The following ROBO2 variants were observed in gnomAD, a reference collection of about 807,000 sequenced individuals.
The protein encoded by ROBO2 is roundabout homolog 2.
Under a neutral mutation model 160.8 loss-of-function variants are expected in ROBO2, and 53 were observed. The observed-to-expected ratio is 0.33, with a 90% CI of 0.26 to 0.41. The LOEUF (loss-of-function observed/expected upper bound fraction) is 0.41, where lower values mean the gene tolerates loss of function less well. Ranked by LOEUF, ROBO2 falls within the 10% of genes least tolerant of loss-of-function variation. The pLI, the probability that ROBO2 is intolerant of heterozygous loss-of-function variation, is 1.00. For synonymous variants in ROBO2, 664 were observed against 611.7 expected (o/e 1.09, Z -1.26); for missense variants, 1,577 against 1,722.4 (o/e 0.92, Z 1.49).
intron 2 of ROBO2, among the ~76,000 whole-genome samples, chr3:76,036,166 T>C (rs1384279059): frequency 6.6e-6 from 1 of 152,032 alleles, no homozygotes; most frequent in Non-Finnish European, 1.5e-5. Context: ...CACTTTTTTT[T>C]TGAGACCTGG....
At chr3:77,037,562 G>T (rs1004724790), upstream of ROBO2, among the ~76,000 whole-genome samples, 1 of 152,110 alleles carries the variant, frequency 6.6e-6, no homozygotes, top group African/African-American at 2.4e-5. Flanking sequence ...CCTACACAAG[G>T]ATAACTTTCT....
chr3:76,610,698 G>A (rs1314030583), intron 2 of ROBO2, among the ~76,000 whole-genome samples: 1 of 148,992 alleles, frequency 6.7e-6, no homozygotes. Context: ...CCAGTGAGCA[G>A]GAGCATGTCA....
intron 2 of ROBO2, among the ~76,000 whole-genome samples, chr3:76,327,520 C>A (rs1008049691): frequency 1.1e-4 from 17 of 152,044 alleles, no homozygotes; most frequent in African/African-American, 3.9e-4. Flanking sequence ...AGTAAAAATT[C>A]ATTAAACAAT....
intron 2 of ROBO2, among the ~76,000 whole-genome samples, chr3:77,193,199 C>A (rs994021967): frequency 9.2e-5 from 14 of 151,810 alleles, no homozygotes; most frequent in African/African-American, 2.7e-4. Context: ...CGAAGTCCTA[C>A]CTAATTTGAT....
At chr3:76,317,051 A>G (rs1156454049) in intron 2 of ROBO2, among the ~76,000 whole-genome samples, 1 of 152,254 alleles carries the variant, frequency 6.6e-6, no homozygotes, top group African/African-American at 2.4e-5. Context: ...CTTTACATAG[A>G]TAAGAAGACA....
chr3:76,308,806 T>A lies in ROBO2; in HGVS notation c.109+371204T>A, dbSNP rs2037191. On this transcript the variant is annotated intron_variant, in intron 2 of 26. Transcript: ENST00000487694. The stretch of plus-strand genomic sequence containing the variant: ...TTCCAATTCCATTTCAATTTCCCCA[T>A]CAGAGAGAGCTGTGACCTGGTGTCT... Among the ~76,000 whole-genome samples the A allele has an allele frequency of 5.8e-3, 886 of 152,250 alleles. 7 individuals are homozygous for A. Among genetic ancestry groups the A allele is most frequent in the African/African-American group, 0.02 (840 of 41,534 alleles).
chr3:76,913,940 T>C (rs934606361), intron 2 of ROBO2, among the ~76,000 whole-genome samples: 2 of 137,586 alleles, frequency 1.5e-5, no homozygotes, highest in African/African-American at 5.8e-5. Flanking sequence ...CTGTGAATAA[T>C]ACTCCATTAC....
chr3:76,399,172 A>T (rs1381758842), intron 2 of ROBO2, among the ~76,000 whole-genome samples: 1 of 151,760 alleles, frequency 6.6e-6, no homozygotes, highest in Non-Finnish European at 1.5e-5. Context: ...AAAATTTTTT[A>T]TATTGTTGAA....
At chr3:76,079,394 A>G (rs2068743476) in intron 2 of ROBO2, among the ~76,000 whole-genome samples, 1 of 152,122 alleles carries the variant, frequency 6.6e-6, no homozygotes, top group Admixed American at 6.5e-5. Flanking sequence ...GTGTGTATCA[A>G]AATATCACAT....
At chr3:77,384,049 A>G (rs959271331) in intron 2 of ROBO2, among the ~76,000 whole-genome samples, 5 of 152,178 alleles carry the variant, frequency 3.3e-5, no homozygotes, top group African/African-American at 1.2e-4. Flanking sequence ...GAAAATTTTC[A>G]GATGTAGTAT....
intron 2 of ROBO2, among the ~76,000 whole-genome samples, chr3:76,058,843 C>T (rs2067958904): frequency 8.0e-6 from 1 of 125,128 alleles, no homozygotes. Flanking sequence ...TGTTCCCCTT[C>T]CTGTGTCCAT....
chr3:76,119,920 T>TTCCTCCCTCCCTC (rs1559566729), intron 2 of ROBO2, among the ~76,000 whole-genome samples: 1 of 28,492 alleles, frequency 3.5e-5, no homozygotes, highest in African/African-American at 1.0e-4. Flanking sequence ...CTCCCTCCCT[T>TTCCTCCCTCCCTC]CCTTCCTTCC....
At chr3:75,980,357 C>A (rs1050408334) in intron 2 of ROBO2, among the ~76,000 whole-genome samples, 12 of 151,518 alleles carry the variant, frequency 7.9e-5, no homozygotes, top group Non-Finnish European at 1.6e-4. Context: ...TTCCATTAAT[C>A]TTCTATAGAA....
chr3:77,025,165 C>T (rs569736637), intron 2 of ROBO2, among the ~76,000 whole-genome samples: 8 of 152,086 alleles, frequency 5.3e-5, no homozygotes, highest in Middle Eastern at 3.4e-3. Flanking sequence ...ATAATGAAAA[C>T]GTTATTTCTT....
intron 13 of ROBO2, among the ~76,000 whole-genome samples, chr3:77,570,255 A>T (rs909002483): frequency 1.3e-5 from 2 of 152,034 alleles, no homozygotes; most frequent in South Asian, 4.1e-4. Flanking sequence ...GAAGTTAATC[A>T]CTTTAAAGTC....
chr3:77,516,685 A>C (rs960798410), intron 5 of ROBO2, among the ~76,000 whole-genome samples: 1 of 151,620 alleles, frequency 6.6e-6, no homozygotes, highest in African/African-American at 2.4e-5. Context: ...TATAGCTAGT[A>C]GCATTAACGA....
At chr3:76,096,084 GC>G (rs2069440407) in intron 2 of ROBO2, among the ~76,000 whole-genome samples, 1 of 151,926 alleles carries the variant, frequency 6.6e-6, no homozygotes, top group African/African-American at 2.4e-5. Context: ...ATATTGACAG[GC>G]CTCGTAAGCA....
rs530037139 is a variant in ROBO2, at chr3:77,509,457, G to A, written c.807-13318G>A. ...ATTCTATTTAACTTATATCTACCTC[G>A]AACTAGAGGTTAGGGGTGGCTCCTG... On this transcript the variant is annotated intron_variant, in intron 5 of 25. Coordinates refer to ENST00000461745, the Ensembl canonical transcript of ROBO2. 8.5e-5 allele frequency among the ~76,000 whole-genome samples: 13 copies of A among 152,116 alleles called. No individual in the cohort carries two copies. The East Asian group carries it at 1.7e-3, about 20-fold the overall frequency.
chr3:77,207,204 C>A (rs538983305), intron 2 of ROBO2, among the ~76,000 whole-genome samples: 2 of 152,092 alleles, frequency 1.3e-5, no homozygotes, highest in Non-Finnish European at 1.5e-5. Context: ...CTTCTCTAAT[C>A]GTCTCTCTTA....
Sources: gnomAD v4.1 joint callset for allele counts (sites outside exome capture counted in the v4.1 genomes callset) on GRCh38, gnomAD v4.1.1 for gene constraint, MANE v1.5 for transcripts, NCBI Gene and HGNC (gene_info 2026-07-23, HGNC 2026-07-21) for gene names.